Variants in ENOX1 observed in about 807,000 individuals in gnomAD.
ENOX1 encodes the protein candidate growth-related and time keeping constitutive hydroquinone (NADH) oxidase.
In ENOX1, 42 loss-of-function variants were observed where a neutral mutation model predicts 82.5. The ratio of observed to expected loss-of-function variants is 0.51; its 90% CI spans 0.40 to 0.66. The LOEUF (loss-of-function observed/expected upper bound fraction) is 0.66, where lower values mean the gene tolerates loss of function less well. Ranked by LOEUF, ENOX1 falls within the 30% of genes least tolerant of loss-of-function variation. The pLI is 0.00. For missense variants in ENOX1, 608 were observed against 811.6 expected (o/e 0.75, Z 3.05); for synonymous variants, 271 against 282.2 (o/e 0.96, Z 0.40).
intron 11 of ENOX1, among the ~76,000 whole-genome samples, chr13:43,302,857 TA>T (rs2046657557): frequency 6.6e-6 from 1 of 152,208 alleles, no homozygotes. Context: ...GAAAAATAGT[TA>T]GCAATATATG....
chr13:43,523,366 A>G (rs557805940), intron 2 of ENOX1, among the ~76,000 whole-genome samples: 4 of 152,206 alleles, frequency 2.6e-5, no homozygotes, highest in Non-Finnish European at 5.9e-5. Flanking sequence ...TGATGGTAAG[A>G]TTATGCAGAT....
rs1217356440 is a variant in ENOX1 at position 43,247,909 on chromosome 13, G to A, written c.1612-11171C>T. Reference sequence around the variant, plus strand: ...TTTTTTTTTTTTTTTTTTTTGAGACGGAGTCTCGCTCTGTCGCCCAGGCTG... The same window carrying A: ...TTTTTTTTTTTTTTTTTTTTGAGACAGAGTCTCGCTCTGTCGCCCAGGCTG... On this transcript the variant is annotated intron_variant, in intron 14 of 16. Coordinates refer to ENST00000690772, the MANE Select transcript of ENOX1 (RefSeq NM_001347969.2). Among the ~76,000 whole-genome samples, 155 of 33,664 alleles carry A rather than the reference G, an allele frequency of 4.6e-3. 1 individual carries two copies. The highest frequency in any genetic ancestry group is 0.016 in the African/African-American group (148 of 9,038). The allele number at this position is 33,664 out of a possible 152,430, so 22.1% of individuals were successfully genotyped here.
chr13:43,404,855 A>C (rs1377140871), intron 5 of ENOX1, among the ~76,000 whole-genome samples: 2 of 152,230 alleles, frequency 1.3e-5, no homozygotes, highest in African/African-American at 4.8e-5. Flanking sequence ...AAATTGTGAA[A>C]CATAAGTCAA....
intron 3 of ENOX1, among the ~76,000 whole-genome samples, chr13:43,432,512 G>A (rs969845222): frequency 3.9e-5 from 6 of 152,032 alleles, no homozygotes; most frequent in East Asian, 3.9e-4. Context: ...GCGTGGTGGC[G>A]CATGTTTGTA....
rs542100667 is a variant in ENOX1 at position 43,585,850 on chromosome 13, T to C, written c.-219+81629A>G. Among the ~76,000 whole-genome samples, 212 of 152,364 alleles carry C rather than the reference T, an allele frequency of 1.4e-3. 1 individual carries two copies. The highest frequency in any genetic ancestry group is 4.9e-3 in the African/African-American group (205 of 41,584). On this transcript the variant is annotated intron_variant, in intron 2 of 16. Coordinates refer to ENST00000690772, the MANE Select transcript of ENOX1 (RefSeq NM_001347969.2). ...CGTTGGCCTCCCAAAGTGCTGGGAT[T>C]ACAGGCGTGAGCCACTGCACCTGGC...
chr13:43,393,666 C>T (rs556979929), intron 5 of ENOX1, among the ~76,000 whole-genome samples: 1 of 152,190 alleles, frequency 6.6e-6, no homozygotes, highest in East Asian at 1.9e-4. Context: ...GCATGGTCTT[C>T]TAGCACAAAG....
chr13:43,285,810 CAA>C (rs11417324), intron 12 of ENOX1, among the ~76,000 whole-genome samples: 101 of 67,442 alleles, frequency 1.5e-3, no homozygotes, highest in Middle Eastern at 0.017. Flanking sequence ...GACTCTGTCT[CAA>C]AAAAAAAAAA....
chr13:43,775,274 C>A (rs931046072), intron 1 of ENOX1, among the ~76,000 whole-genome samples: 6 of 152,298 alleles, frequency 3.9e-5, no homozygotes, highest in Admixed American at 3.9e-4. Flanking sequence ...CCTCAGCCTC[C>A]TGAGTAGCTT....
intron 5 of ENOX1, among the ~76,000 whole-genome samples, chr13:43,411,475 T>C (rs1353833207): frequency 6.6e-6 from 1 of 152,222 alleles, no homozygotes; most frequent in African/African-American, 2.4e-5. Context: ...GCCATTTCAA[T>C]GCTGGAAAAG....
At chr13:43,336,749 G>A (rs909330195) in intron 9 of ENOX1, among the ~76,000 whole-genome samples, 12 of 152,166 alleles carry the variant, frequency 7.9e-5, no homozygotes, top group African/African-American at 2.9e-4. Flanking sequence ...GAATCTTAAG[G>A]GTGGAAAGGA....
chr13:43,571,968 G>A (rs890643482), intron 2 of ENOX1, among the ~76,000 whole-genome samples: 2 of 152,034 alleles, frequency 1.3e-5, no homozygotes, highest in Non-Finnish European at 2.9e-5. Flanking sequence ...GCAGGAGCAG[G>A]CAGTCACCGG....
rs1189403191 is a variant in ENOX1, at chr13:43,785,398, G to C, written c.-285+1254C>G. On this transcript the variant is annotated intron_variant, in intron 1 of 16. Transcript: ENST00000690772. ...CACCCTCTTCAGATCCCTTAAGCACGCTTCATTGCTTTCTCCAAACTACCA... is the reference window on the plus strand; with the variant it reads ...CACCCTCTTCAGATCCCTTAAGCACCCTTCATTGCTTTCTCCAAACTACCA... Among the ~76,000 whole-genome samples, 9 of 152,088 alleles carry C rather than the reference G, an allele frequency of 5.9e-5. No individual in the cohort carries two copies. The East Asian group carries it at 1.5e-3, about 26-fold the overall frequency.
intron 2 of ENOX1, among the ~76,000 whole-genome samples, chr13:43,559,587 T>C (rs558759784): frequency 3.0e-4 from 46 of 152,292 alleles, no homozygotes. Flanking sequence ...GAGGTATGCA[T>C]AAATTATCCC....
chr13:43,638,131 T>C (rs2083481534), intron 2 of ENOX1, among the ~76,000 whole-genome samples: 1 of 152,216 alleles, frequency 6.6e-6, no homozygotes, highest in Admixed American at 6.5e-5. Flanking sequence ...AATAGGACTG[T>C]ATTTACCCAT....
At chr13:43,741,020 A>G (rs1299076206) in intron 1 of ENOX1, among the ~76,000 whole-genome samples, 2 of 151,824 alleles carry the variant, frequency 1.3e-5, no homozygotes, top group East Asian at 1.9e-4. Flanking sequence ...TTGCTAGGTC[A>G]TATGGTAACT....
At chr13:43,260,645 A>AAAAAAGATGCAAGATAAG (rs2044003413) in intron 14 of ENOX1, among the ~76,000 whole-genome samples, 1 of 152,344 alleles carries the variant, frequency 6.6e-6, no homozygotes, top group Admixed American at 6.5e-5. Flanking sequence ...GAAGGTCATC[A>AAAAAAGATGCAAGATAAG]AAAAAGATGC....
At chr13:43,420,475 G>C (rs2054908283) in intron 3 of ENOX1, among the ~76,000 whole-genome samples, 1 of 152,176 alleles carries the variant, frequency 6.6e-6, no homozygotes, top group Admixed American at 6.5e-5. Flanking sequence ...AAGGAGAATG[G>C]GTCCTGTTAA....
chr13:43,467,746 T>C (rs1300245815), intron 3 of ENOX1, among the ~76,000 whole-genome samples: 1 of 152,210 alleles, frequency 6.6e-6, no homozygotes, highest in Non-Finnish European at 1.5e-5. Context: ...TCCAAGGTCA[T>C]AAAGATTTAT....
chr13:43,578,216 G>A (rs2080531062), intron 2 of ENOX1, among the ~76,000 whole-genome samples: 2 of 152,098 alleles, frequency 1.3e-5, no homozygotes, highest in Admixed American at 1.3e-4. Context: ...CAAAATCACA[G>A]GATATACATG....
Sources: gnomAD v4.1 joint callset for allele counts (sites outside exome capture counted in the v4.1 genomes callset) on GRCh38, gnomAD v4.1.1 for gene constraint, MANE v1.5 for transcripts, NCBI Gene and HGNC (gene_info 2026-07-23, HGNC 2026-07-21) for gene names.